The following TASOR variants were observed in gnomAD, a reference collection of about 807,000 sequenced individuals.
TASOR encodes protein TASOR.
In TASOR, 53 loss-of-function variants were observed where a neutral mutation model predicts 178.6. The ratio of observed to expected loss-of-function variants is 0.30; its 90% CI spans 0.24 to 0.37. The LOEUF (loss-of-function observed/expected upper bound fraction) is 0.37. Among genes scored for constraint, TASOR ranks in the 10% least tolerant of loss-of-function variants. The pLI, the probability that TASOR is intolerant of heterozygous loss-of-function variation, is 1.00. For missense variants in TASOR, 1,815 were observed against 1,971.4 expected, an observed-to-expected ratio of 0.92 and a Z score of 1.50; for synonymous variants, 713 against 696.2, an observed-to-expected ratio of 1.02 and a Z score of -0.38.
In TASOR at chr3:56,633,420, G is replaced by A. The variant is rs762464476; in HGVS notation, c.3371C>T (p.Ser1124Phe). 1.9e-5 allele frequency: 31 copies of A among 1,614,012 alleles called. No homozygotes were observed. The highest frequency in any genetic ancestry group is 8.5e-7 in the Non-Finnish European group (1 of 1,179,996). The change falls in exon 18 of 24, where the codon TCC (serine) becomes TTC (phenylalanine). Residue 1124 changes from serine (S) to phenylalanine (F), a missense_variant. By Grantham distance (155) the Ser-to-Phe change is radical (BLOSUM62 -2). Transcript: ENST00000683822. ...NPLERHVIPVSSSDFNNKHLL... is the reference protein window; with the variant it reads ...NPLERHVIPVFSSDFNNKHLL... ...ATGTTTATTGTTGAAGTCACTTGAG[G>A]AAACTGGTATGACATGCCTTTCCAG...
intron 13 of TASOR, among the ~76,000 whole-genome samples, chr3:56,648,319 A>G (rs1308426354): frequency 6.6e-6 from 1 of 151,636 alleles, no homozygotes; most frequent in African/African-American, 2.4e-5. Context: ...AACACAAATT[A>G]ATTTTTCATA....
At chr3:56,638,541 G>T (rs1201560451) in intron 17 of TASOR, among the ~76,000 whole-genome samples, 165 bp downstream of exon 17, 1 of 152,022 alleles carries the variant, frequency 6.6e-6, no homozygotes, top group Non-Finnish European at 1.5e-5. Flanking sequence ...AAGAATAGTG[G>T]ATACAACTCA....
At chr3:56,631,590 T>G (rs957373693) in intron 18 of TASOR, among the ~76,000 whole-genome samples, 19 of 147,338 alleles carry the variant, frequency 1.3e-4, no homozygotes, top group Admixed American at 8.8e-4. Context: ...TTTTGTTTTT[T>G]TTTTTTTTTT....
intron 17 of TASOR, among the ~76,000 whole-genome samples, chr3:56,635,189 T>G (rs1236561781): frequency 6.6e-6 from 1 of 152,184 alleles, no homozygotes; most frequent in Non-Finnish European, 1.5e-5. Context: ...ATCCTGGTGG[T>G]TATCATGAAC....
chr3:56,678,660 TCATA>T (rs930095114), intron 1 of TASOR, among the ~76,000 whole-genome samples: 6 of 152,184 alleles, frequency 3.9e-5, no homozygotes, highest in African/African-American at 1.2e-4. Context: ...AAAAATATTA[TCATA>T]TATACATAAA....
chr3:56,670,581 T>A (rs4681980), intron 3 of TASOR, among the ~76,000 whole-genome samples: 93,798 of 152,020 alleles, frequency 0.62, 31,551 homozygotes, highest in East Asian at 0.96. Flanking sequence ...TATAACCAAT[T>A]CTTTTCAAAG....
At chr3:56,643,475 G>C (rs781019473) in intron 14 of TASOR, among the ~76,000 whole-genome samples, 1 of 151,176 alleles carries the variant, frequency 6.6e-6, no homozygotes, top group Non-Finnish European at 1.5e-5. Context: ...TTAAAAGTTA[G>C]AATATGGCTG....
intron 17 of TASOR, among the ~76,000 whole-genome samples, chr3:56,637,132 T>A (rs2077033723): frequency 2.0e-5 from 3 of 152,234 alleles, no homozygotes; most frequent in Admixed American, 2.0e-4. Context: ...GCAAAACTAA[T>A]CAGATTAGCA....
At chr3:56,640,932 T>TA (rs140709075) in intron 15 of TASOR, among the ~76,000 whole-genome samples, 3,286 of 152,332 alleles carry the variant, frequency 0.022, 64 homozygotes, top group African/African-American at 0.044. Flanking sequence ...ACCAAGTACC[T>TA]AACTGTCACA....
Position 56,621,777 on chromosome 3 carries a change from T to A in TASOR, c.*1260A>T. ...ATGTAGTAAAATGCTGTACTTGTTC[T>A]ATACAATAAAACAGATACTTCTTTT... On this transcript the variant is annotated 3_prime_UTR_variant, in exon 24 of 24. Transcript: ENST00000683822. 1 of 321,752 alleles carries A rather than the reference T, an allele frequency of 3.1e-6. No individual in the cohort carries two copies. Among genetic ancestry groups the A allele is most frequent in the Non-Finnish European group, 5.6e-6 (1 of 177,960 alleles). 19.9% of individuals were successfully genotyped at this position (321,752 alleles called of 1,614,324 possible). A position where few individuals can be genotyped will look rare whatever the true frequency, so the allele number is the denominator to read the frequency against.
chr3:56,673,823 G>T, intron 1 of TASOR, 98 bp from the exon 2 acceptor site: 1 of 999,492 alleles, frequency 1.0e-6, no homozygotes, highest in Non-Finnish European at 1.4e-6. Context: ...TAAATACCAT[G>T]AAAAAAGGCA....
intron 1 of TASOR, among the ~76,000 whole-genome samples, chr3:56,677,468 G>A (rs547437816): frequency 2.6e-5 from 4 of 152,228 alleles, no homozygotes; most frequent in Non-Finnish European, 4.4e-5. Flanking sequence ...CAACATGCCC[G>A]TTTCTCAATT....
intron 2 of TASOR, 139 bp downstream of exon 2, chr3:56,673,441 A>G: frequency 1.7e-6 from 1 of 605,616 alleles, no homozygotes; most frequent in East Asian, 4.2e-5. Flanking sequence ...TCCAAAAAAA[A>G]AAAAAAAAAA....
chr3:56,646,318 A>G (rs1403473844), intron 14 of TASOR, among the ~76,000 whole-genome samples: 2 of 152,216 alleles, frequency 1.3e-5, no homozygotes, highest in Non-Finnish European at 2.9e-5. Flanking sequence ...ATACAGTCTC[A>G]GTGCCAACTC....
At chr3:56,646,455 C>A in intron 14 of TASOR, 67 bp downstream of exon 14, 1 of 1,310,350 alleles carries the variant, frequency 7.6e-7, no homozygotes, top group African/African-American at 1.5e-5. Flanking sequence ...TTTATACGCC[C>A]CTCTGCTACA....
At chr3:56,664,398 C>T (rs1369326196) in intron 7 of TASOR, 1 of 152,118 alleles carries the variant, frequency 6.6e-6, no homozygotes, top group Non-Finnish European at 1.5e-5. Context: ...TATGAAAACA[C>T]TGTAGTGAAA....
intron 19 of TASOR, among the ~76,000 whole-genome samples, 180 bp from the exon 20 acceptor site, chr3:56,627,921 CATTT>C (rs1453826258): frequency 6.6e-6 from 1 of 152,180 alleles, no homozygotes; most frequent in Non-Finnish European, 1.5e-5. Flanking sequence ...TATAAACCAA[CATTT>C]ATGTACTGGG....
At chr3:56,631,510 TAACA>T (rs1184415596) in intron 18 of TASOR, among the ~76,000 whole-genome samples, 1 of 151,930 alleles carries the variant, frequency 6.6e-6, no homozygotes. Flanking sequence ...TACCTACTGG[TAACA>T]AACTTACGTA....
At chr3:56,640,664 A>G (rs2077102476) in intron 15 of TASOR, among the ~76,000 whole-genome samples, 1 of 152,160 alleles carries the variant, frequency 6.6e-6, no homozygotes, top group Non-Finnish European at 1.5e-5. Context: ...CATGCATACA[A>G]CTTTTAAACA....
Sources: allele counts gnomAD v4.1 joint callset (sites outside exome capture counted in the v4.1 genomes callset), GRCh38; gene constraint gnomAD v4.1.1; transcripts MANE v1.5; gene names NCBI Gene and HGNC (gene_info 2026-07-23, HGNC 2026-07-21).